The following NGDN variants were observed in gnomAD, a reference collection of about 807,000 sequenced individuals.
NGDN encodes EIF4E-binding protein.
In NGDN, 41 loss-of-function variants were observed where a neutral mutation model predicts 45.2. The observed-to-expected ratio is 0.91, with a 90% CI of 0.71 to 1.18. The LOEUF (loss-of-function observed/expected upper bound fraction) is 1.18, where lower values mean the gene tolerates loss of function less well. Ranked by LOEUF, NGDN falls within the 50% of genes most tolerant of loss-of-function variation. NGDN has a pLI of 0.00. For synonymous variants in NGDN, 137 were observed against 130.9 expected, an observed-to-expected ratio of 1.05 and a Z score of -0.32; for missense variants, 402 against 399.9, an observed-to-expected ratio of 1.01 and a Z score of -0.05.
rs1366459431 is a variant in NGDN at position 23,475,547 on chromosome 14, C to T, written c.283-11C>T. On this transcript the variant is annotated splice_polypyrimidine_tract_variant and intron_variant, in intron 4 of 10. Coordinates refer to ENST00000408901, the MANE Select transcript of NGDN (RefSeq NM_001042635.2). Reference sequence around the variant, plus strand: ...AAGGAAATATAATCCTGATTAACTACCATGTTGTAGGTTTTGGAAAAGCTT... The same window carrying T: ...AAGGAAATATAATCCTGATTAACTATCATGTTGTAGGTTTTGGAAAAGCTT... The T allele has an allele frequency of 3.7e-6, 6 of 1,612,372 alleles. No homozygotes were observed. The highest frequency in any genetic ancestry group is 1.7e-4 in the Middle Eastern group (1 of 5,882).
At chr14:23,472,156 G>A (rs999856557) in intron 3 of NGDN, among the ~76,000 whole-genome samples, 33 of 142,814 alleles carry the variant, frequency 2.3e-4, no homozygotes, top group African/African-American at 8.0e-4. Context: ...TCGCACTGCA[G>A]CCTGGGCAAC....
At chr14:23,478,537 A>G (rs1371716244), downstream of NGDN, 1 of 153,582 alleles carries the variant, frequency 6.5e-6, no homozygotes, top group Non-Finnish European at 1.4e-5. Flanking sequence ...ATCAAAAGCA[A>G]GATAGAACCT....
chr14:23,473,404 A>G (rs905336222), intron 3 of NGDN, among the ~76,000 whole-genome samples: 1 of 152,194 alleles, frequency 6.6e-6, no homozygotes, highest in Non-Finnish European at 1.5e-5. Context: ...ACAAATACAT[A>G]TTAACTTATC....
chr14:23,477,789 A>T (rs1281155068), intron 10 of NGDN: 2 of 1,456,028 alleles, frequency 1.4e-6, no homozygotes, highest in Non-Finnish European at 1.8e-6. Context: ...GCTCCTGTTC[A>T]GGCTTCCCTA....
At chr14:23,475,496 G>T in intron 4 of NGDN, 62 bp from the exon 5 acceptor site, 1 of 1,520,088 alleles carries the variant, frequency 6.6e-7, no homozygotes, top group South Asian at 1.1e-5. Context: ...TTAATATAGG[G>T]ACTCTGGTGT....
At position 23,477,325 on chromosome 14, in the gene NGDN, C is replaced by G; in HGVS notation, c.839C>G (p.Ala280Gly). 5 of 1,614,182 alleles carry G rather than the reference C, an allele frequency of 3.1e-6. No homozygotes were observed. Among genetic ancestry groups the G allele is most frequent in the Non-Finnish European group, 3.4e-6 (4 of 1,180,024 alleles). Reference sequence around the variant, plus strand: ...CTTACACACTTCAGTGACATCAGTGCTTTGACAGGGGGAACTGTTCATCTT... The same window carrying G: ...CTTACACACTTCAGTGACATCAGTGGTTTGACAGGGGGAACTGTTCATCTT... ...HSLTHFSDIS[A>G]LTGGTVHLDE... The change falls in exon 9 of 11, where the codon GCT (alanine) becomes GGT (glycine). Residue 280 changes from alanine (A) to glycine (G), a missense_variant. Transcript: ENST00000408901.
In NGDN at chr14:23,476,224, A is replaced by G; in HGVS notation, c.545-15A>G. The G allele has an allele frequency of 2.5e-6, 4 of 1,613,734 alleles. No homozygotes were observed. The highest frequency in any genetic ancestry group is 3.4e-6 in the Non-Finnish European group (4 of 1,179,698). Reference sequence around the variant, plus strand: ...TCTCTGTTCTTGGATAACCCTGCTTATTTTCATCATGTAGATGAAACAGAA... The same window carrying G: ...TCTCTGTTCTTGGATAACCCTGCTTGTTTTCATCATGTAGATGAAACAGAA... On this transcript the variant is annotated splice_polypyrimidine_tract_variant and intron_variant, in intron 7 of 10. Coordinates refer to ENST00000408901, the MANE Select transcript of NGDN (RefSeq NM_001042635.2).
At chr14:23,470,601 T>C (rs531946601) in intron 2 of NGDN, among the ~76,000 whole-genome samples, 1 of 152,360 alleles carries the variant, frequency 6.6e-6, no homozygotes, top group African/African-American at 2.4e-5. Flanking sequence ...TGTAGTTCTA[T>C]GCATTGTAAG....
At chr14:23,470,592 G>A (rs886949864) in intron 2 of NGDN, among the ~76,000 whole-genome samples, 1 of 152,194 alleles carries the variant, frequency 6.6e-6, no homozygotes, top group African/African-American at 2.4e-5. Flanking sequence ...GGGGAGTTAT[G>A]TAGTTCTATG....
Position 23,476,064 on chromosome 14 carries a change from A to G in NGDN, c.456A>G (p.Glu152=). ...AGGATGAGGAGGAAGATGAAGCAGA[A>G]GATGACCAGTCTGAGGCTTCAGGGA... is the stretch of plus-strand genomic sequence containing the variant. ...SSEDEEEDEA[E]DDQSEASGKK... The change falls in exon 7 of 11, where the codon GAA becomes GAG. Residue 152 remains glutamate, a synonymous_variant. Transcript: ENST00000408901. 1 of 1,614,194 alleles carries G rather than the reference A, an allele frequency of 6.2e-7. No individual in the cohort carries two copies. The highest frequency in any genetic ancestry group is 8.5e-7 in the Non-Finnish European group (1 of 1,179,994).
At chr14:23,472,980 C>G (rs1181590872) in intron 3 of NGDN, among the ~76,000 whole-genome samples, 1 of 151,904 alleles carries the variant, frequency 6.6e-6, no homozygotes, top group Admixed American at 6.6e-5. Flanking sequence ...CTGTTTTTGT[C>G]CTGGGTACCA....
chr14:23,470,320 T>A, intron 2 of NGDN: 1 of 537,156 alleles, frequency 1.9e-6, no homozygotes, highest in Non-Finnish European at 3.3e-6. Context: ...ATAGTTTTCC[T>A]TTATTCATAT....
At position 23,474,142 on chromosome 14, in the gene NGDN, T is replaced by TA. The variant is rs544204454; in HGVS notation, c.145-1026dup. 4.5e-4 allele frequency among the ~76,000 whole-genome samples: 68 copies of TA among 152,078 alleles called. 1 individual carries two copies. Among genetic ancestry groups the TA allele is most frequent in the Middle Eastern group, 3.4e-3 (1 of 292 alleles). On this transcript the variant is annotated intron_variant, in intron 3 of 10. Transcript: ENST00000408901. Reference sequence around the variant, plus strand: ...GAACTTAAACTCAGTTTGTGGACTCTAAATCCTTTGCTCTCCTTCTATACC... The same window carrying TA: ...GAACTTAAACTCAGTTTGTGGACTCTAAAATCCTTTGCTCTCCTTCTATACC...
At chr14:23,477,704 T>C (rs1257744510) in intron 10 of NGDN, 144 bp downstream of exon 10, 19 of 1,473,850 alleles carry the variant, frequency 1.3e-5, no homozygotes, top group Non-Finnish European at 1.5e-5. Flanking sequence ...TGGGCTTTTA[T>C]TTTTTGCTTT....
chr14:23,471,044 T>C (rs1893765476), intron 3 of NGDN, 67 bp downstream of exon 3: 2 of 1,063,404 alleles, frequency 1.9e-6, no homozygotes, highest in Non-Finnish European at 2.7e-6. Context: ...CATTGTATGT[T>C]TATTGTGTCT....
At chr14:23,469,858 G>T in intron 1 of NGDN, 131 bp downstream of exon 1, 6 of 1,326,888 alleles carry the variant, frequency 4.5e-6, no homozygotes, top group Non-Finnish European at 6.4e-6. Context: ...GGCCTCCCTA[G>T]AGTTACCGTT....
In NGDN at chr14:23,477,203, T is replaced by A. The variant is rs1893922868; in HGVS notation, c.717T>A (p.Ile239=). ...GGAAACTGTCTTTCTCTGGCAGGAT[T>A]AACTATGAGGAGAGCATGATGGTGC... ...TRQSQEDQHR[I]NYEESMMVRL... Residue 239 remains isoleucine, a synonymous_variant, in exon 9 of 11, where the codon ATT becomes ATA. Coordinates refer to ENST00000408901, the MANE Select transcript of NGDN (RefSeq NM_001042635.2). 6.2e-7 allele frequency: 1 copy of A among 1,613,808 alleles called. No individual in the cohort carries two copies. The highest frequency in any genetic ancestry group is 1.1e-5 in the South Asian group (1 of 91,070).
intron 2 of NGDN, chr14:23,470,390 T>C (rs1893746774): frequency 4.8e-6 from 2 of 419,966 alleles, no homozygotes; most frequent in Non-Finnish European, 8.6e-6. Context: ...GCCCAGGTAA[T>C]ACACACTTAT....
At chr14:23,475,057 A>T in intron 3 of NGDN, 114 bp from the exon 4 acceptor site, 1 of 1,086,912 alleles carries the variant, frequency 9.2e-7, no homozygotes, top group East Asian at 2.5e-5. Context: ...GATACCTAAT[A>T]TGAACTGATT....
Sources: gnomAD v4.1 joint callset for allele counts (sites outside exome capture counted in the v4.1 genomes callset) on GRCh38, gnomAD v4.1.1 for gene constraint, MANE v1.5 for transcripts, NCBI Gene and HGNC (gene_info 2026-07-23, HGNC 2026-07-21) for gene names.